Variants in TENM3 observed in about 807,000 individuals in gnomAD.
The protein encoded by TENM3 is teneurin-3.
TENM3 carries 63 observed loss-of-function variants against 255.1 expected under a neutral mutation model. The observed-to-expected ratio is 0.25, with a 90% CI of 0.20 to 0.30. The LOEUF (loss-of-function observed/expected upper bound fraction) is 0.30, where lower values mean the gene tolerates loss of function less well. Among genes scored for constraint, TENM3 ranks in the 10% least tolerant of loss-of-function variants. The pLI is 1.00. For synonymous variants in TENM3, 1,306 were observed against 1,322.3 expected, an observed-to-expected ratio of 0.99 and a Z score of 0.27; for missense variants, 2,929 against 3,461.1, an observed-to-expected ratio of 0.85 and a Z score of 3.86.
At chr4:182,071,965 A>G in the TENM3 span, among the ~76,000 whole-genome samples, 7 of 152,334 alleles carry the variant, frequency 4.6e-5, no homozygotes, top group South Asian at 1.4e-3. Flanking sequence ...AAACAAAAAA[A>G]ACACTAACCT....
intron 1 of TENM3, among the ~76,000 whole-genome samples, chr4:182,292,608 C>T (rs899529027): frequency 2.6e-5 from 4 of 152,266 alleles, no homozygotes; most frequent in African/African-American, 9.6e-5. Context: ...CGCATGGTCG[C>T]GTGGGTAAAT....
intron 25 of TENM3, among the ~76,000 whole-genome samples, chr4:182,790,298 C>T (rs1766000713): frequency 6.6e-6 from 1 of 152,150 alleles, no homozygotes; most frequent in Non-Finnish European, 1.5e-5. Context: ...CTGTTCCACC[C>T]CTCCTGACTG....
At chr4:182,405,922 A>G (rs17073246) in intron 3 of TENM3, among the ~76,000 whole-genome samples, 2,799 of 152,300 alleles carry the variant, frequency 0.018, 71 homozygotes, top group East Asian at 0.1. Flanking sequence ...TGGGTTTGCA[A>G]AGATGAGCCA....
chr4:181,746,095 A>G, the TENM3 span, among the ~76,000 whole-genome samples: 2 of 152,036 alleles, frequency 1.3e-5, no homozygotes, highest in African/African-American at 2.4e-5. Context: ...TGGTGTTAGG[A>G]TCAAAAGAGT....
At chr4:182,251,489 T>C (rs1758009578) in intron 1 of TENM3, among the ~76,000 whole-genome samples, 1 of 152,076 alleles carries the variant, frequency 6.6e-6, no homozygotes, top group Admixed American at 6.5e-5. Context: ...AAAGCGATGA[T>C]GGGAAGTTGT....
the TENM3 span, among the ~76,000 whole-genome samples, chr4:181,720,977 G>C: frequency 6.6e-6 from 1 of 152,074 alleles, no homozygotes; most frequent in Non-Finnish European, 1.5e-5. Flanking sequence ...TGCCAAAACA[G>C]GGCCTGCCAG....
the TENM3 span, among the ~76,000 whole-genome samples, chr4:181,588,860 G>A: frequency 6.6e-6 from 1 of 152,116 alleles, no homozygotes; most frequent in Non-Finnish European, 1.5e-5. Flanking sequence ...TTATAAAGAG[G>A]GTGAGAGGTC....
At chr4:182,768,870 G>T (rs1466033272) in intron 22 of TENM3, among the ~76,000 whole-genome samples, 1 of 152,142 alleles carries the variant, frequency 6.6e-6, no homozygotes, top group Non-Finnish European at 1.5e-5. Flanking sequence ...AGAGTCCTTT[G>T]TAAAGAGGGG....
intron 1 of TENM3, among the ~76,000 whole-genome samples, chr4:182,263,403 T>A (rs929476227): frequency 6.6e-6 from 1 of 151,818 alleles, no homozygotes; most frequent in Non-Finnish European, 1.5e-5. Flanking sequence ...CTTAGGAGGG[T>A]TAGAGGCCCC....
chr4:182,227,197 T>C (rs966023861), intron 1 of TENM3, among the ~76,000 whole-genome samples: 24 of 152,230 alleles, frequency 1.6e-4, no homozygotes, highest in African/African-American at 4.6e-4. Context: ...GCTTCATTTC[T>C]GTCCAGTGAC....
chr4:181,909,787 G>A, the TENM3 span, among the ~76,000 whole-genome samples: 1 of 152,162 alleles, frequency 6.6e-6, no homozygotes, highest in Non-Finnish European at 1.5e-5. Context: ...CCAATACAGT[G>A]TATAGCATTA....
chr4:182,455,124 A>G (rs1003427130), intron 3 of TENM3, among the ~76,000 whole-genome samples: 2 of 152,220 alleles, frequency 1.3e-5, no homozygotes, highest in Admixed American at 1.3e-4. Flanking sequence ...TCAGGGACTC[A>G]AGATCATCAA....
the TENM3 span, among the ~76,000 whole-genome samples, chr4:181,685,659 G>A: frequency 6.6e-6 from 1 of 152,156 alleles, no homozygotes; most frequent in Non-Finnish European, 1.5e-5. Context: ...TACCTAAAGA[G>A]CAAGCAATCC....
the TENM3 span, among the ~76,000 whole-genome samples, chr4:181,557,060 C>CT: frequency 6.6e-6 from 1 of 152,096 alleles, no homozygotes. Context: ...ACATTCTGGA[C>CT]TTTTTTCCCA....
At chr4:182,475,832 G>A (rs1418419901) in intron 3 of TENM3, among the ~76,000 whole-genome samples, 4 of 151,546 alleles carry the variant, frequency 2.6e-5, no homozygotes, top group African/African-American at 9.7e-5. Flanking sequence ...CGTCTTTATT[G>A]GATAAATAAT....
the TENM3 span, among the ~76,000 whole-genome samples, chr4:181,559,113 T>C: frequency 1.3e-5 from 2 of 152,168 alleles, no homozygotes; most frequent in East Asian, 3.9e-4. Context: ...AAAAATGATA[T>C]ACAATTCCAG....
the TENM3 span, among the ~76,000 whole-genome samples, chr4:182,010,820 A>G: frequency 0.22 from 32,810 of 152,176 alleles, 3,680 homozygotes; most frequent in Admixed American, 0.26. Flanking sequence ...TAAGAAGTTG[A>G]GTCTTCATCA....
chr4:181,538,569 C>CAGAACACCTATGAGACTTTGTTCCAT, the TENM3 span, among the ~76,000 whole-genome samples: 5 of 151,984 alleles, frequency 3.3e-5, no homozygotes, highest in African/African-American at 1.2e-4. Flanking sequence ...GAAGCATGTC[C>CAGAACACCTATGAGACTTTGTTCCAT]AGAACACCTA....
chr4:181,766,729 C>T, the TENM3 span, among the ~76,000 whole-genome samples: 6 of 151,512 alleles, frequency 4.0e-5, 1 homozygote, highest in South Asian at 1.0e-3. Flanking sequence ...GAACTAGGGA[C>T]CCTGACATAA....
Sources: gnomAD v4.1 joint callset for allele counts (sites outside exome capture counted in the v4.1 genomes callset) on GRCh38, gnomAD v4.1.1 for gene constraint, MANE v1.5 for transcripts, NCBI Gene and HGNC (gene_info 2026-07-23, HGNC 2026-07-21) for gene names.